GFOD1: variants seen among roughly 807,000 people sequenced by gnomAD.
The protein encoded by GFOD1 is Gfo/Idh/MocA-like oxidoreductase domain containing 1, also known as glucose-fructose oxidoreductase domain-containing protein 1.
GFOD1 carries 9 observed loss-of-function variants against 25.4 expected under a neutral mutation model. The ratio of observed to expected loss-of-function variants is 0.35; its 90% CI spans 0.21 to 0.62. GFOD1 has a LOEUF of 0.62. GFOD1 is among the 20% of genes least tolerant of loss of function. GFOD1 has a pLI of 0.72. For synonymous variants in GFOD1, 253 were observed against 245.6 expected, an observed-to-expected ratio of 1.03 and a Z score of -0.28; for missense variants, 403 against 556.9, an observed-to-expected ratio of 0.72 and a Z score of 2.78.
intron 1 of GFOD1, among the ~76,000 whole-genome samples, chr6:13,467,039 C>T (rs1758391133): frequency 6.6e-6 from 1 of 152,000 alleles, no homozygotes; most frequent in Non-Finnish European, 1.5e-5. Context: ...AATACATCTC[C>T]TCCCTTACAG....
chr6:13,370,545 G>C (rs879574056), intron 1 of GFOD1, among the ~76,000 whole-genome samples: 2 of 151,866 alleles, frequency 1.3e-5, no homozygotes, highest in Non-Finnish European at 2.9e-5. Flanking sequence ...TACCTCTCTC[G>C]GTGGGCTTCT....
At chr6:13,383,018 C>A (rs1328678276) in intron 1 of GFOD1, among the ~76,000 whole-genome samples, 1 of 152,184 alleles carries the variant, frequency 6.6e-6, no homozygotes, top group Non-Finnish European at 1.5e-5. Flanking sequence ...TTTATGGCTA[C>A]ATAGTATTCG....
At chr6:13,401,423 A>G (rs985352720) in intron 1 of GFOD1, among the ~76,000 whole-genome samples, 4 of 151,140 alleles carry the variant, frequency 2.6e-5, no homozygotes, top group Admixed American at 1.3e-4. Context: ...GGAAAAAGGG[A>G]AAGGGAAGGA....
intron 1 of GFOD1, 138 bp downstream of exon 1, chr6:13,486,500 T>C (rs1395308915): frequency 3.0e-5 from 22 of 731,796 alleles, no homozygotes; most frequent in Non-Finnish European, 4.6e-5. Context: ...GAGTCGGATC[T>C]GGGATCTCAG....
At chr6:13,394,893 A>G (rs1785696487) in intron 1 of GFOD1, among the ~76,000 whole-genome samples, 3 of 152,138 alleles carry the variant, frequency 2.0e-5, no homozygotes, top group Admixed American at 6.6e-5. Flanking sequence ...TGGGCCTCCC[A>G]AAGTGCTGGG....
At chr6:13,479,054 C>T (rs747047367) in intron 1 of GFOD1, among the ~76,000 whole-genome samples, 49 of 145,050 alleles carry the variant, frequency 3.4e-4, no homozygotes, top group Admixed American at 7.6e-4. Context: ...TAGGTACCAT[C>T]CCTTTACCAA....
At chr6:13,470,639 A>G (rs934002154) in intron 1 of GFOD1, 32 of 1,459,810 alleles carry the variant, frequency 2.2e-5, no homozygotes, top group Non-Finnish European at 2.9e-5. Context: ...TTCTGTTGGA[A>G]AGGGAGAAGA....
At chr6:13,407,519 A>C (rs756202246) in intron 1 of GFOD1, among the ~76,000 whole-genome samples, 4 of 152,202 alleles carry the variant, frequency 2.6e-5, no homozygotes, top group Non-Finnish European at 5.9e-5. Context: ...AGAATGGCCC[A>C]GACAGTTGGA....
At chr6:13,435,651 C>T (rs11961173) in intron 1 of GFOD1, among the ~76,000 whole-genome samples, 4,602 of 152,230 alleles carry the variant, frequency 0.03, 253 homozygotes, top group African/African-American at 0.1. Context: ...GCATGCCTTC[C>T]CCGGAAGCTA....
intron 1 of GFOD1, among the ~76,000 whole-genome samples, chr6:13,409,594 G>T (rs967223111): frequency 7.2e-5 from 11 of 152,204 alleles, no homozygotes; most frequent in South Asian, 4.2e-4. Context: ...TTAATAAAGA[G>T]GATTCCACTA....
intron 1 of GFOD1, chr6:13,407,988 AG>A (rs1411469237): frequency 3.0e-6 from 3 of 985,278 alleles, no homozygotes; most frequent in Admixed American, 6.2e-5. Flanking sequence ...CAGCACCCAA[AG>A]GTGGGAGCAC....
chr6:13,399,886 T>C (rs2127563136), intron 1 of GFOD1, among the ~76,000 whole-genome samples: 1 of 152,364 alleles, frequency 6.6e-6, no homozygotes, highest in South Asian at 2.1e-4. Flanking sequence ...TACATTTTAT[T>C]GCATGTAAAT....
intron 1 of GFOD1, among the ~76,000 whole-genome samples, chr6:13,421,944 C>T (rs898124682): frequency 2.0e-5 from 3 of 152,148 alleles, no homozygotes; most frequent in African/African-American, 4.8e-5. Flanking sequence ...CCAGAAAGCA[C>T]CACTGAGCCA....
intron 1 of GFOD1, among the ~76,000 whole-genome samples, chr6:13,394,298 TATC>T (rs1307084670): frequency 1.3e-5 from 2 of 152,112 alleles, no homozygotes; most frequent in Non-Finnish European, 2.9e-5. Flanking sequence ...CATGGTATAC[TATC>T]ATCTGTACAG....
At position 13,409,365 on chromosome 6, in the gene GFOD1, G is replaced by GAGGAAGGA. The variant is rs56336626; in HGVS notation, c.254-43711_254-43704dup. Among the ~76,000 whole-genome samples the GAGGAAGGA allele has an allele frequency of 3.6e-3, 502 of 140,548 alleles. 5 individuals carry two copies. Among genetic ancestry groups the GAGGAAGGA allele is most frequent in the South Asian group, 9.2e-3 (39 of 4,248 alleles). 92.2% of individuals were successfully genotyped at this position (140,548 alleles called of 152,430 possible). A position where few individuals can be genotyped will look rare whatever the true frequency, so the allele number is the denominator to read the frequency against. On this transcript the variant is annotated intron_variant, in intron 1 of 1. Transcript: ENST00000379287. ...AGAGAGAGAAAGAGAGAAAGAGACAGAGGAAGGAAGGAAGGAAGGAAGGAA... is the reference window on the plus strand; with the variant it reads ...AGAGAGAGAAAGAGAGAAAGAGACAGAGGAAGGAAGGAAGGAAGGAAGGAAGGAAGGAA...
At chr6:13,423,297 T>C (rs563829066) in intron 1 of GFOD1, among the ~76,000 whole-genome samples, 1 of 149,744 alleles carries the variant, frequency 6.7e-6, no homozygotes, top group East Asian at 1.9e-4. Flanking sequence ...CAACTTAATA[T>C]TTTAACTGAC....
At chr6:13,485,912 C>T (rs1584680595) in intron 1 of GFOD1, 1 of 533,444 alleles carries the variant, frequency 1.9e-6, no homozygotes, top group South Asian at 7.9e-5. Flanking sequence ...AAAGTTAAAA[C>T]CCCCTGGTTT....
intron 1 of GFOD1, among the ~76,000 whole-genome samples, chr6:13,454,531 CAGTAGCTATG>C (rs1460435791): frequency 6.6e-6 from 1 of 152,152 alleles, no homozygotes; most frequent in African/African-American, 2.4e-5. Context: ...CCTGGCCTTT[CAGTAGCTATG>C]TCTTAAAAAA....
chr6:13,360,436 G>A lies in GFOD1; in HGVS notation c.*4307C>T, dbSNP rs73364944. The A allele has an allele frequency of 2.3e-5, 8 of 346,762 alleles. No individual in the cohort carries two copies. In the East Asian group the frequency reaches 6.1e-4, roughly 26 times the overall value. 21.5% of individuals were successfully genotyped at this position (346,762 alleles called of 1,614,324 possible). ...AAAGGTGCAGTGCACAGCTAAAATT[G>A]GAGTGACAAACAAACGAACTTTAAA... On this transcript the variant is annotated 3_prime_UTR_variant, in exon 2 of 2. Coordinates refer to ENST00000379287, the MANE Select transcript of GFOD1 (RefSeq NM_018988.4).
Sources: gnomAD v4.1 joint callset for allele counts (sites outside exome capture counted in the v4.1 genomes callset) on GRCh38, gnomAD v4.1.1 for gene constraint, MANE v1.5 for transcripts, NCBI Gene and HGNC (gene_info 2026-07-23, HGNC 2026-07-21) for gene names.